The following INPP5A variants were observed in gnomAD, a reference collection of about 807,000 sequenced individuals.
INPP5A encodes inositol polyphosphate-5-phosphatase A.
In INPP5A, 14 loss-of-function variants were observed where a neutral mutation model predicts 65.2. That is an observed-to-expected ratio of 0.21 (90% CI 0.14 to 0.34). The LOEUF (loss-of-function observed/expected upper bound fraction) is 0.34, where lower values mean the gene tolerates loss of function less well. INPP5A is among the 10% of genes least tolerant of loss of function. The pLI, the probability that INPP5A is intolerant of heterozygous loss-of-function variation, is 1.00. For synonymous variants in INPP5A, 207 were observed against 208.3 expected (o/e 0.99, Z 0.05); for missense variants, 431 against 545.6 (o/e 0.79, Z 2.09).
intron 4 of INPP5A, among the ~76,000 whole-genome samples, chr10:132,664,105 T>C (rs2072773072): frequency 6.6e-6 from 1 of 152,174 alleles, no homozygotes; most frequent in South Asian, 2.1e-4. Flanking sequence ...GAAATAGCCA[T>C]GGTTGATTCA....
chr10:132,780,732 G>A lies in INPP5A; in HGVS notation c.1090-117G>A, dbSNP rs1847145673. 5.9e-6 allele frequency: 5 copies of A among 846,600 alleles called. No homozygotes were observed. In the Admixed American group the frequency reaches 8.6e-5, roughly 15 times the overall value. The allele number at this position is 846,600 out of a possible 1,614,324, so 52.4% of individuals were successfully genotyped here. A position where few individuals can be genotyped will look rare whatever the true frequency, so the allele number is the denominator to read the frequency against. On this transcript the variant is annotated intron_variant, in intron 13 of 15. Coordinates refer to ENST00000368594, the MANE Select transcript of INPP5A (RefSeq NM_005539.5). ...CAGAGGCTGGGGAGGTACTGGCAGG[G>A]GCCGACATCCCCATCTCTCTGCCCC...
rs931675683 is a variant in INPP5A at position 132,782,380 on chromosome 10, C to T, written c.*351C>T. On this transcript the variant is annotated 3_prime_UTR_variant, in exon 16 of 16. Coordinates refer to ENST00000368594, the MANE Select transcript of INPP5A (RefSeq NM_005539.5). This position sits in a 1 kb window ranked among gnomAD's most constrained non-coding sequence, Gnocchi z 4.4. ...ATTGCCAGTGGAGGGGCTTCTTCAGCACAGAGACCCCCCACTGTGTCCAGG... is the reference window on the plus strand; with the variant it reads ...ATTGCCAGTGGAGGGGCTTCTTCAGTACAGAGACCCCCCACTGTGTCCAGG... The T allele has an allele frequency of 2.1e-5, 7 of 325,634 alleles. No individual in the cohort carries two copies. The Admixed American group carries it at 2.8e-4, about 13-fold the overall frequency. The allele number at this position is 325,634 out of a possible 1,614,324, so 20.2% of individuals were successfully genotyped here.
chr10:132,679,846 AG>A (rs1441313301), intron 4 of INPP5A, among the ~76,000 whole-genome samples: 5 of 152,194 alleles, frequency 3.3e-5, no homozygotes, highest in African/African-American at 1.2e-4. Context: ...GTCTCTGACA[AG>A]GGTGCAAGAG....
rs1372232232 is a variant in INPP5A at position 132,727,612 on chromosome 10, TC to T, written c.732+710del. 1.3e-5 allele frequency among the ~76,000 whole-genome samples: 2 copies of T among 152,102 alleles called. No individual in the cohort carries two copies. The highest frequency in any genetic ancestry group is 4.8e-5 in the African/African-American group (2 of 41,392). On this transcript the variant is annotated intron_variant, in intron 9 of 15. Transcript: ENST00000368594. The surrounding 1 kb of genome is among the most constrained non-coding windows in gnomAD (Gnocchi z 6.5). ...AGTTTTCATGACTTGGGATTCCACT[TC>T]CCGGGCAGCTGTGAAGAGGGGGGTG...
intron 2 of INPP5A, among the ~76,000 whole-genome samples, chr10:132,613,216 T>C (rs923327990): frequency 8.5e-5 from 13 of 152,190 alleles, no homozygotes; most frequent in African/African-American, 3.1e-4. Flanking sequence ...AGGTGGTTCC[T>C]CCTGTGACCT....
At position 132,697,790 on chromosome 10, in the gene INPP5A, C is replaced by T. The variant is rs529467636; in HGVS notation, c.371-26C>T. On this transcript the variant is annotated intron_variant, in intron 5 of 15. Transcript: ENST00000368594. This position sits in a 1 kb window ranked among gnomAD's most constrained non-coding sequence, Gnocchi z 5.6. ...GGATGGGGCACAGTGATGGGATAGT[C>T]ACCTCGTCCTTCTGGTCTCTTCCAG... 6.7e-7 allele frequency: 1 copy of T among 1,486,206 alleles called. No individual in the cohort carries two copies. Among genetic ancestry groups the T allele is most frequent in the East Asian group, 2.3e-5 (1 of 44,180 alleles). The allele number at this position is 1,486,206 out of a possible 1,614,324, so 92.1% of individuals were successfully genotyped here.
In INPP5A at chr10:132,537,815, C is replaced by T. The variant is rs2070857184; in HGVS notation, c.-282C>T. 7 of 365,688 alleles carry T rather than the reference C, an allele frequency of 1.9e-5. No individual in the cohort carries two copies. Among genetic ancestry groups the T allele is most frequent in the East Asian group, 3.9e-5 (1 of 25,434 alleles). 22.7% of individuals were successfully genotyped at this position (365,688 alleles called of 1,614,324 possible). On this transcript the variant is annotated 5_prime_UTR_variant, in exon 1 of 16. Transcript: ENST00000368594. Reference sequence around the variant, plus strand: ...TGCCCTCAGCCTGAGTCGGCGGCGGCTGCGGGAACTTTCCCAGCGGATCTA... The same window carrying T: ...TGCCCTCAGCCTGAGTCGGCGGCGGTTGCGGGAACTTTCCCAGCGGATCTA...
rs953288458 is a variant in INPP5A, at chr10:132,554,058, G to A, written c.75+15887G>A. 2.0e-5 allele frequency among the ~76,000 whole-genome samples: 3 copies of A among 151,892 alleles called. No individual in the cohort carries two copies. The South Asian group carries it at 6.2e-4, about 31-fold the overall frequency. ...CCTTGGTGGCATATTGAGTAGGACA[G>A]GGAGGGAGGACTGGTGAACACCTTC... On this transcript the variant is annotated intron_variant, in intron 1 of 15. Transcript: ENST00000368594.
At chr10:132,692,568 T>G (rs1845285631) in intron 5 of INPP5A, among the ~76,000 whole-genome samples, 1 of 152,148 alleles carries the variant, frequency 6.6e-6, no homozygotes, top group Admixed American at 6.5e-5. Flanking sequence ...ATAGGCGAGG[T>G]GATTCCTTAT....
chr10:132,732,135 G>A (rs1846097734), intron 9 of INPP5A, among the ~76,000 whole-genome samples: 1 of 152,236 alleles, frequency 6.6e-6, no homozygotes, highest in South Asian at 2.1e-4. Context: ...GACAGCAGCT[G>A]CCCATGCAGT....
intron 1 of INPP5A, among the ~76,000 whole-genome samples, chr10:132,565,701 G>A (rs2071264747): frequency 6.6e-6 from 1 of 151,848 alleles, no homozygotes; most frequent in African/African-American, 2.4e-5. Context: ...GCATGTGTAT[G>A]TGAATGTGTG....
At chr10:132,557,623 C>T (rs916876707) in intron 1 of INPP5A, among the ~76,000 whole-genome samples, 3 of 152,154 alleles carry the variant, frequency 2.0e-5, no homozygotes, top group Admixed American at 1.3e-4. Context: ...CTGGTTTGAA[C>T]CTGGTGCCTA....
chr10:132,555,118 C>G lies in INPP5A; in HGVS notation c.75+16947C>G, dbSNP rs1426930419. 1.3e-5 allele frequency among the ~76,000 whole-genome samples: 2 copies of G among 150,094 alleles called. No homozygotes were observed. Among genetic ancestry groups the G allele is most frequent in the African/African-American group, 4.9e-5 (2 of 40,616 alleles). The stretch of plus-strand genomic sequence containing the variant: ...TGGGTGGCATGGCTGCTGTGGGTGA[C>G]ATAGGTGGTGTGGCTGGCGTGGTTA... On this transcript the variant is annotated intron_variant, in intron 1 of 15. Coordinates refer to ENST00000368594, the MANE Select transcript of INPP5A (RefSeq NM_005539.5). This position sits in a 1 kb window ranked among gnomAD's most constrained non-coding sequence, Gnocchi z 4.4.
In INPP5A at chr10:132,676,081, G is replaced by A. The variant is rs895188652; in HGVS notation, c.307-14311G>A. On this transcript the variant is annotated intron_variant, in intron 4 of 15. Transcript: ENST00000368594. The surrounding 1 kb of genome is among the most constrained non-coding windows in gnomAD (Gnocchi z 4.0). Reference sequence around the variant, plus strand: ...GATTTACTTGTATAATCATTTATACGTAGAAAAATATAACAAATTTCATAA... The same window carrying A: ...GATTTACTTGTATAATCATTTATACATAGAAAAATATAACAAATTTCATAA... 1.2e-4 allele frequency among the ~76,000 whole-genome samples: 18 copies of A among 152,204 alleles called. No individual in the cohort carries two copies. The highest frequency in any genetic ancestry group is 3.3e-4 in the Admixed American group (5 of 15,296).
At chr10:132,597,154 TGA>T (rs555442019) in intron 1 of INPP5A, among the ~76,000 whole-genome samples, 11 of 151,872 alleles carry the variant, frequency 7.2e-5, no homozygotes, top group South Asian at 2.1e-4. Context: ...TGCATGTGTG[TGA>T]GTGTGTGTGC....
Position 132,659,867 on chromosome 10 carries a change from C to T in INPP5A, c.306+9362C>T, listed in dbSNP as rs1189468181. Among the ~76,000 whole-genome samples, 1 of 152,280 alleles carries T rather than the reference C, an allele frequency of 6.6e-6. No individual in the cohort carries two copies. The highest frequency in any genetic ancestry group is 1.5e-5 in the Non-Finnish European group (1 of 68,046). ...CAGATGCCCACAACAGGATCCAGTG[C>T]TGTCAGCTGGGCTCCAGAAACCTGA... On this transcript the variant is annotated intron_variant, in intron 4 of 15. Coordinates refer to ENST00000368594, the MANE Select transcript of INPP5A (RefSeq NM_005539.5). The surrounding 1 kb of genome is among the most constrained non-coding windows in gnomAD (Gnocchi z 5.5).
Position 132,627,544 on chromosome 10 carries a change from G to A in INPP5A, c.118-18324G>A, listed in dbSNP as rs2072202368. Among the ~76,000 whole-genome samples, 1 of 152,214 alleles carries A rather than the reference G, an allele frequency of 6.6e-6. No individual in the cohort carries two copies. The highest frequency in any genetic ancestry group is 6.5e-5 in the Admixed American group (1 of 15,286). On this transcript the variant is annotated intron_variant, in intron 2 of 15. Coordinates refer to ENST00000368594, the MANE Select transcript of INPP5A (RefSeq NM_005539.5). This position sits in a 1 kb window ranked among gnomAD's most constrained non-coding sequence, Gnocchi z 6.6. ...TGAGGGCCAGTGCCTGGTCTGTCCC[G>A]ACTCCCTCTGTGTCCCCAGCTGCCA...
chr10:132,721,329 C>T lies in INPP5A; in HGVS notation c.648-5492C>T, dbSNP rs372007317. Reference sequence around the variant, plus strand: ...CTGGGCGCCTTAGACGGCTGTCTTGCGGGTTCTGTGGTACCTGGATTCTTT... The same window carrying T: ...CTGGGCGCCTTAGACGGCTGTCTTGTGGGTTCTGTGGTACCTGGATTCTTT... On this transcript the variant is annotated intron_variant, in intron 8 of 15. Transcript: ENST00000368594. 1.1e-4 allele frequency among the ~76,000 whole-genome samples: 12 copies of T among 110,362 alleles called. No homozygotes were observed. In the South Asian group the frequency reaches 1.6e-3, roughly 15 times the overall value. The allele number at this position is 110,362 out of a possible 152,430, so 72.4% of individuals were successfully genotyped here. A position where few individuals can be genotyped will look rare whatever the true frequency, so the allele number is the denominator to read the frequency against.
chr10:132,657,121 C>T (rs1054243848), intron 4 of INPP5A, among the ~76,000 whole-genome samples: 15 of 152,230 alleles, frequency 9.9e-5, no homozygotes, highest in African/African-American at 3.6e-4. Context: ...GCCCCATGCA[C>T]TTGCTAAGCT....
Sources: gnomAD v4.1 joint callset for allele counts (sites outside exome capture counted in the v4.1 genomes callset) on GRCh38, gnomAD v4.1.1 for gene constraint, Gnocchi (gnomAD v3.1) non-coding constraint, MANE v1.5 for transcripts, NCBI Gene and HGNC (gene_info 2026-07-23, HGNC 2026-07-21) for gene names.